KAZN: variants seen among roughly 807,000 people sequenced by gnomAD.
KAZN encodes kazrin, periplakin interacting protein.
In KAZN, 40 loss-of-function variants were observed where a neutral mutation model predicts 87.4. The ratio of observed to expected loss-of-function variants is 0.46; its 90% CI spans 0.36 to 0.60. The LOEUF (loss-of-function observed/expected upper bound fraction) is 0.60. Among genes scored for constraint, KAZN ranks in the 20% least tolerant of loss-of-function variants. The pLI is 0.00. For missense variants in KAZN, 898 were observed against 1,073.9 expected, an observed-to-expected ratio of 0.84 and a Z score of 2.29; for synonymous variants, 466 against 458.3, an observed-to-expected ratio of 1.02 and a Z score of -0.22.
At chr1:14,857,121 G>A (rs1031848026) in intron 1 of KAZN, among the ~76,000 whole-genome samples, 5 of 151,746 alleles carry the variant, frequency 3.3e-5, no homozygotes, top group African/African-American at 2.4e-5. Flanking sequence ...GTGTGACCTC[G>A]CACAAGGCGT....
chr1:14,691,697 G>C (rs1364617566), intron 1 of KAZN, among the ~76,000 whole-genome samples: 1 of 152,096 alleles, frequency 6.6e-6, no homozygotes, highest in Non-Finnish European at 1.5e-5. Context: ...ATGTTGGCCA[G>C]GCTGGTCTCA....
At chr1:13,985,958 G>A (rs1046002857) in intron 1 of KAZN, among the ~76,000 whole-genome samples, 3 of 151,990 alleles carry the variant, frequency 2.0e-5, no homozygotes, top group Non-Finnish European at 4.4e-5. Flanking sequence ...TTCTACTTTT[G>A]GCTATTACGA....
At chr1:15,097,814 G>A (rs1319555315) in intron 10 of KAZN, among the ~76,000 whole-genome samples, 3 of 152,102 alleles carry the variant, frequency 2.0e-5, no homozygotes, top group Non-Finnish European at 2.9e-5. Context: ...ATGAAACTCC[G>A]TCTGAAAAAT....
chr1:14,426,288 G>T (rs1303347851), intron 2 of KAZN, among the ~76,000 whole-genome samples: 1 of 152,114 alleles, frequency 6.6e-6, no homozygotes, highest in African/African-American at 2.4e-5. Flanking sequence ...GGCCTGCCCT[G>T]ACCACTCACC....
Position 14,228,011 on chromosome 1 carries a change from C to T in KAZN, c.249+47419C>T, listed in dbSNP as rs532241222. On this transcript the variant is annotated intron_variant, in intron 2 of 16. Transcript: ENST00000636203. ...CCATGCCCACTAAATGCCAGTGCTG[C>T]CCATCCTGGTTATTTATCTCTCATC... Among the ~76,000 whole-genome samples, 19 of 152,120 alleles carry T rather than the reference C, an allele frequency of 1.2e-4. 1 individual carries two copies. The highest frequency in any genetic ancestry group is 2.5e-4 in the Non-Finnish European group (17 of 68,028).
rs138400345 is a variant in KAZN, at chr1:14,922,487, G to A, written c.227-38197G>A. On this transcript the variant is annotated intron_variant, in intron 1 of 14. Coordinates refer to ENST00000376030, the MANE Select transcript of KAZN (RefSeq NM_201628.3). ...GTGGTGTGGGTACTTTTCTTCCACA[G>A]CTGGGAGCACCCAGCACTTCCCATG... Among the ~76,000 whole-genome samples, 7 of 152,230 alleles carry A rather than the reference G, an allele frequency of 4.6e-5. No individual in the cohort carries two copies. In the East Asian group the frequency reaches 1.4e-3, roughly 29 times the overall value.
At chr1:14,122,447 C>T (rs971716559) in intron 1 of KAZN, among the ~76,000 whole-genome samples, 15 of 152,098 alleles carry the variant, frequency 9.9e-5, no homozygotes, top group Non-Finnish European at 1.9e-4. Flanking sequence ...ACAGACAGTT[C>T]CTATGTGAAT....
intron 2 of KAZN, among the ~76,000 whole-genome samples, chr1:14,251,053 C>G (rs932307908): frequency 6.6e-6 from 1 of 152,102 alleles, no homozygotes; most frequent in African/African-American, 2.4e-5. Flanking sequence ...CCCAAAATTA[C>G]CAGCAGGAAA....
At chr1:14,466,988 A>G (rs919843922) in intron 2 of KAZN, among the ~76,000 whole-genome samples, 12 of 152,212 alleles carry the variant, frequency 7.9e-5, no homozygotes, top group African/African-American at 2.9e-4. Flanking sequence ...TTAATTAAAT[A>G]AATAAACCGA....
chr1:14,033,983 C>T (rs965461902), intron 1 of KAZN, among the ~76,000 whole-genome samples: 22 of 152,200 alleles, frequency 1.4e-4, no homozygotes, highest in Non-Finnish European at 3.1e-4. Flanking sequence ...CAAGACAGGA[C>T]AGTCAAAGGG....
At chr1:14,742,728 T>G (rs74771023) in intron 1 of KAZN, among the ~76,000 whole-genome samples, 1 of 152,336 alleles carries the variant, frequency 6.6e-6, no homozygotes, top group East Asian at 1.9e-4. Flanking sequence ...TTGAATTGCT[T>G]TGTCACTTTC....
chr1:14,258,372 C>T (rs1470285269), intron 2 of KAZN, among the ~76,000 whole-genome samples: 4 of 149,474 alleles, frequency 2.7e-5, no homozygotes, highest in African/African-American at 5.0e-5. Context: ...CCCGCCACCA[C>T]GCCTGGCTAA....
At chr1:14,305,187 A>G (rs1226870658) in intron 2 of KAZN, among the ~76,000 whole-genome samples, 1 of 152,142 alleles carries the variant, frequency 6.6e-6, no homozygotes, top group Non-Finnish European at 1.5e-5. Flanking sequence ...AAAGACTGCC[A>G]TCGTCTCTCC....
At chr1:14,971,640 T>G (rs1401484209) in intron 2 of KAZN, among the ~76,000 whole-genome samples, 3 of 150,522 alleles carry the variant, frequency 2.0e-5, no homozygotes, top group African/African-American at 7.3e-5. Flanking sequence ...GAGGCCCCCT[T>G]CCCTGGAGGC....
intron 2 of KAZN, among the ~76,000 whole-genome samples, chr1:14,237,567 CTG>C (rs1310054559): frequency 6.6e-6 from 1 of 152,104 alleles, no homozygotes; most frequent in Non-Finnish European, 1.5e-5. Context: ...AGAGAATACT[CTG>C]TTATAATGCA....
chr1:14,660,543 T>C (rs74832029), intron 1 of KAZN, among the ~76,000 whole-genome samples: 45 of 52,274 alleles, frequency 8.6e-4, no homozygotes, highest in African/African-American at 3.3e-3. Flanking sequence ...CTCTCTCTCT[T>C]TTTTTTTTTT....
intron 2 of KAZN, among the ~76,000 whole-genome samples, chr1:14,282,546 C>A (rs1176483443): frequency 6.6e-6 from 1 of 152,206 alleles, no homozygotes; most frequent in Admixed American, 6.5e-5. Context: ...TGCTCTAATT[C>A]TTTCCAAGAC....
At chr1:15,029,510 C>T (rs138723646) in intron 2 of KAZN, among the ~76,000 whole-genome samples, 49 of 152,284 alleles carry the variant, frequency 3.2e-4, no homozygotes, top group African/African-American at 9.9e-4. Flanking sequence ...GCCAGGCACA[C>T]GTACACACAC....
chr1:15,006,013 C>T (rs764314538), intron 2 of KAZN, among the ~76,000 whole-genome samples: 58 of 152,264 alleles, frequency 3.8e-4, no homozygotes, highest in Non-Finnish European at 6.5e-4. Context: ...AAGATCAGAA[C>T]TCAGCTGGAT....
Sources: allele counts gnomAD v4.1 joint callset (sites outside exome capture counted in the v4.1 genomes callset), GRCh38; gene constraint gnomAD v4.1.1; transcripts MANE v1.5; gene names NCBI Gene and HGNC (gene_info 2026-07-23, HGNC 2026-07-21).